Variants in BRINP3 observed in about 807,000 individuals in gnomAD.
BRINP3 encodes the protein BMP/retinoic acid inducible neural specific 3.
In BRINP3, 19 loss-of-function variants were observed where a neutral mutation model predicts 71.0. The ratio of observed to expected loss-of-function variants is 0.27; its 90% CI spans 0.19 to 0.39. The LOEUF (loss-of-function observed/expected upper bound fraction) is 0.39, where lower values mean the gene tolerates loss of function less well. Ranked by LOEUF, BRINP3 falls within the 10% of genes least tolerant of loss-of-function variation. The pLI is 1.00. For synonymous variants in BRINP3, 380 were observed against 337.7 expected (o/e 1.13, Z -1.37); for missense variants, 959 against 940.8 (o/e 1.02, Z -0.25).
intron 2 of BRINP3, among the ~76,000 whole-genome samples, chr1:190,282,078 A>C (rs769807254): frequency 9.2e-5 from 14 of 151,950 alleles, no homozygotes; most frequent in Non-Finnish European, 1.8e-4. Context: ...AAACAACTTA[A>C]GGGCAATTTT....
chr1:190,285,814 GA>G (rs1177453959), intron 2 of BRINP3, among the ~76,000 whole-genome samples: 5 of 151,878 alleles, frequency 3.3e-5, no homozygotes, highest in African/African-American at 9.7e-5. Context: ...CAAAGCAATG[GA>G]GCGCTGAATT....
intron 2 of BRINP3, among the ~76,000 whole-genome samples, chr1:190,306,372 C>T (rs1287326080): frequency 6.6e-6 from 1 of 151,590 alleles, no homozygotes; most frequent in African/African-American, 2.4e-5. Context: ...TTGGAGGGCA[C>T]TGAAACATTT....
At chr1:190,378,744 C>A (rs1571901796) in intron 2 of BRINP3, among the ~76,000 whole-genome samples, 1 of 152,148 alleles carries the variant, frequency 6.6e-6, no homozygotes, top group African/African-American at 2.4e-5. Context: ...CTGGCTAGAA[C>A]CAGAATAATG....
rs546624036 is a variant in BRINP3, at chr1:190,099,114, G to C, written c.1205C>G (p.Thr402Ser). ...GCAGTAGAGAAAAGACTGGATGCGA[G>C]TAAGCCAGTAGGTTGAGGTTCTAGA... The part of the protein sequence containing the change: ...PRQRTSTYWL[T>S]RIQSFLYCNE... Residue 402 changes from threonine (T) to serine (S), a missense_variant, in exon 8 of 8, where the codon ACT (threonine) becomes AGT (serine). Thr to Ser is a moderately conservative substitution (Grantham distance 58, BLOSUM62 1). Transcript: ENST00000367462. 7.4e-6 allele frequency: 12 copies of C among 1,613,830 alleles called. No individual in the cohort carries two copies. Among genetic ancestry groups the C allele is most frequent in the Middle Eastern group, 1.6e-4 (1 of 6,062 alleles).
intron 2 of BRINP3, among the ~76,000 whole-genome samples, chr1:190,432,201 C>T (rs985926855): frequency 2.0e-5 from 3 of 152,128 alleles, no homozygotes; most frequent in African/African-American, 7.2e-5. Flanking sequence ...AATTATGGCC[C>T]AGTAAATATA....
chr1:190,135,346 T>G (rs906827668), intron 7 of BRINP3, among the ~76,000 whole-genome samples: 1 of 152,106 alleles, frequency 6.6e-6, no homozygotes, highest in African/African-American at 2.4e-5. Context: ...CTTGGGGATT[T>G]TCTTCCATTT....
chr1:190,385,555 G>A (rs1455612090), intron 2 of BRINP3, among the ~76,000 whole-genome samples: 19 of 151,868 alleles, frequency 1.3e-4, no homozygotes, highest in Admixed American at 5.9e-4. Flanking sequence ...CAGTTAGAAT[G>A]GCAATCATTA....
At chr1:190,200,576 C>T (rs1654912672) in intron 6 of BRINP3, among the ~76,000 whole-genome samples, 1 of 151,922 alleles carries the variant, frequency 6.6e-6, no homozygotes, top group African/African-American at 2.4e-5. Flanking sequence ...ATCCTAAATA[C>T]ACATTTTGTT....
intron 2 of BRINP3, among the ~76,000 whole-genome samples, chr1:190,379,482 C>T (rs1312010546): frequency 6.6e-6 from 1 of 151,982 alleles, no homozygotes; most frequent in Non-Finnish European, 1.5e-5. Context: ...TTGGATACAA[C>T]AGTCAAGAAA....
chr1:190,228,671 G>A lies in BRINP3; in HGVS notation c.725-2353C>T, dbSNP rs187465546. Among the ~76,000 whole-genome samples, 5 of 151,930 alleles carry A rather than the reference G, an allele frequency of 3.3e-5. No individual in the cohort carries two copies. The East Asian group carries it at 7.7e-4, about 24-fold the overall frequency. ...GAGAAAAGAGGTTTAGGGACGCAGCGCTCAAAACACTTGAATTTTATAACC... is the reference window on the plus strand; with the variant it reads ...GAGAAAAGAGGTTTAGGGACGCAGCACTCAAAACACTTGAATTTTATAACC... On this transcript the variant is annotated intron_variant, in intron 5 of 7. Coordinates refer to ENST00000367462, the MANE Select transcript of BRINP3 (RefSeq NM_199051.3).
chr1:190,197,498 G>C (rs932988769), intron 6 of BRINP3, among the ~76,000 whole-genome samples: 3 of 152,198 alleles, frequency 2.0e-5, no homozygotes, highest in Non-Finnish European at 4.4e-5. Context: ...AGATACAATG[G>C]GGGTACAGGC....
At chr1:190,353,279 A>G (rs185863013) in intron 2 of BRINP3, among the ~76,000 whole-genome samples, 67 of 152,170 alleles carry the variant, frequency 4.4e-4, no homozygotes, top group African/African-American at 1.5e-3. Flanking sequence ...AAAGGTTACC[A>G]TCTTTTAGTA....
intron 1 of BRINP3, chr1:190,476,118 G>A (rs536161932): frequency 6.6e-6 from 1 of 152,214 alleles, no homozygotes; most frequent in Non-Finnish European, 1.5e-5. Flanking sequence ...TCCCGAGACG[G>A]GGGGATGGGG....
intron 4 of BRINP3, among the ~76,000 whole-genome samples, chr1:190,248,371 A>G (rs1558106732): frequency 6.6e-6 from 1 of 151,478 alleles, no homozygotes. Flanking sequence ...CCCTTTGCCA[A>G]TGCTAATAAT....
At chr1:190,132,045 T>A (rs1168900719) in intron 7 of BRINP3, among the ~76,000 whole-genome samples, 1 of 152,074 alleles carries the variant, frequency 6.6e-6, no homozygotes, top group South Asian at 2.1e-4. Flanking sequence ...CAATTGTCTG[T>A]AATCTAAGCA....
At chr1:190,372,894 C>CA (rs1031213653) in intron 2 of BRINP3, among the ~76,000 whole-genome samples, 2 of 151,850 alleles carry the variant, frequency 1.3e-5, no homozygotes, top group African/African-American at 2.4e-5. Context: ...GTAATATCAA[C>CA]AAAAAATCTA....
At chr1:190,181,525 G>A (rs116610974) in intron 6 of BRINP3, among the ~76,000 whole-genome samples, 6 of 151,804 alleles carry the variant, frequency 4.0e-5, no homozygotes, top group Non-Finnish European at 8.8e-5. Flanking sequence ...TTTACCTGTA[G>A]TATTTTAGAA....
chr1:190,458,216 T>C lies in BRINP3; in HGVS notation c.-50-3276A>G, dbSNP rs573352517. On this transcript the variant is annotated intron_variant, in intron 1 of 7. Coordinates refer to ENST00000367462, the MANE Select transcript of BRINP3 (RefSeq NM_199051.3). ...GAAATAATTTTTTTCTGAAAGTTTG[T>C]TAACACATAGGAATGTCAATCTTAC... 8.3e-4 allele frequency among the ~76,000 whole-genome samples: 127 copies of C among 152,242 alleles called. 1 individual carries two copies. The highest frequency in any genetic ancestry group is 1.5e-3 in the Non-Finnish European group (99 of 67,956).
rs144706758 is a variant in BRINP3 at position 190,258,025 on chromosome 1, G to T, written c.618+6840C>A. The stretch of plus-strand genomic sequence containing the variant: ...ACCACTGCTATTTTCAGAGCTGTCA[G>T]ACAGAGACGTTTAAGTCTGCAGAAG... On this transcript the variant is annotated intron_variant, in intron 4 of 7. Coordinates refer to ENST00000367462, the MANE Select transcript of BRINP3 (RefSeq NM_199051.3). 7.2e-5 allele frequency among the ~76,000 whole-genome samples: 11 copies of T among 152,370 alleles called. No individual in the cohort carries two copies. In the East Asian group the frequency reaches 2.1e-3, roughly 29 times the overall value.
Sources: allele counts gnomAD v4.1 joint callset (sites outside exome capture counted in the v4.1 genomes callset), GRCh38; gene constraint gnomAD v4.1.1; transcripts MANE v1.5; gene names NCBI Gene and HGNC (gene_info 2026-07-23, HGNC 2026-07-21).